The following CDC14B variants were observed in gnomAD, a reference collection of about 807,000 sequenced individuals.
CDC14B encodes the protein dual specificity protein phosphatase CDC14B.
In CDC14B, 22 loss-of-function variants were observed where a neutral mutation model predicts 64.2. The observed-to-expected ratio is 0.34, with a 90% CI of 0.24 to 0.49. The LOEUF (loss-of-function observed/expected upper bound fraction) is 0.49, where lower values mean the gene tolerates loss of function less well. Among genes scored for constraint, CDC14B ranks in the 20% least tolerant of loss-of-function variants. The pLI is 0.99. For synonymous variants in CDC14B, 191 were observed against 215.8 expected (o/e 0.89, Z 1.01); for missense variants, 498 against 629.9 (o/e 0.79, Z 2.24).
chr9:96,550,962 GA>G (rs1344649961), intron 5 of CDC14B, among the ~76,000 whole-genome samples: 1 of 151,770 alleles, frequency 6.6e-6, no homozygotes, highest in Non-Finnish European at 1.5e-5. Context: ...TGTGTCCCCA[GA>G]AAAAAGGGGT....
At chr9:96,573,661 A>T (rs184707539) in intron 1 of CDC14B, among the ~76,000 whole-genome samples, 107 of 152,376 alleles carry the variant, frequency 7.0e-4, no homozygotes, top group Non-Finnish European at 1.2e-3. Context: ...TAAATGTAAT[A>T]AATTTACATG....
At position 96,523,591 on chromosome 9, in the gene CDC14B, C is replaced by T; in HGVS notation, c.1081G>A (p.Val361Met). Residue 361 changes from valine (V) to methionine (M), a missense_variant, in exon 10 of 14, where the codon GTG (valine) becomes ATG (methionine). By Grantham distance (21) the Val-to-Met change is conservative (BLOSUM62 1). Transcript: ENST00000375241. ...CAGACGTAGGCTACTACTTACATCA[C>T]CAAAAACTGCTGCTGAGGCCCAATC... is the stretch of plus-strand genomic sequence containing the variant. The part of the protein sequence containing the change: ...SVIGPQQQFL[V>M]MKQTNLWLEG... The T allele has an allele frequency of 6.2e-7, 1 of 1,614,182 alleles. No individual in the cohort carries two copies. The highest frequency in any genetic ancestry group is 8.5e-7 in the Non-Finnish European group (1 of 1,180,032).
intron 12 of CDC14B, chr9:96,514,330 A>G: frequency 3.0e-6 from 2 of 658,958 alleles, no homozygotes; most frequent in Non-Finnish European, 3.8e-6. Context: ...TATGTAGTGC[A>G]TGATGCTCTT....
At chr9:96,578,640 C>A (rs184154389) in intron 1 of CDC14B, among the ~76,000 whole-genome samples, 175 of 152,260 alleles carry the variant, frequency 1.1e-3, no homozygotes, top group African/African-American at 3.9e-3. Context: ...CTCCTCAAAA[C>A]TGTCAAGATC....
chr9:96,508,188 G>C (rs1257732027), intron 13 of CDC14B, among the ~76,000 whole-genome samples: 2 of 151,880 alleles, frequency 1.3e-5, no homozygotes, highest in African/African-American at 2.4e-5. Context: ...GCTAATTTTT[G>C]TATTTTTAGT....
intron 1 of CDC14B, among the ~76,000 whole-genome samples, chr9:96,614,260 G>T (rs1182716505): frequency 6.6e-6 from 1 of 151,154 alleles, no homozygotes; most frequent in African/African-American, 2.4e-5. Context: ...TTTTGAGACG[G>T]AGTTTCACTA....
At chr9:96,551,130 T>TTTTTTTTTTG (rs1841767054) in intron 5 of CDC14B, among the ~76,000 whole-genome samples, 2 of 127,134 alleles carry the variant, frequency 1.6e-5, no homozygotes, top group African/African-American at 5.8e-5. Context: ...TTTTTTTTTT[T>TTTTTTTTTTG]GAGACAAGTT....
chr9:96,508,362 T>G (rs1167898140), intron 13 of CDC14B, among the ~76,000 whole-genome samples: 1 of 55,286 alleles, frequency 1.8e-5, no homozygotes, highest in African/African-American at 2.0e-4. Context: ...TACTGCTTCG[T>G]GTACTAAACT....
At chr9:96,524,513 C>T (rs1013080013) in intron 9 of CDC14B, among the ~76,000 whole-genome samples, 2 of 152,160 alleles carry the variant, frequency 1.3e-5, no homozygotes, top group African/African-American at 2.4e-5. Flanking sequence ...TTTTAAACCT[C>T]TATTGGTGCT....
intron 1 of CDC14B, among the ~76,000 whole-genome samples, chr9:96,567,756 G>T (rs1389286724): frequency 6.6e-6 from 1 of 152,036 alleles, no homozygotes; most frequent in East Asian, 1.9e-4. Context: ...AGCACAATAG[G>T]GTGTGGGTGA....
intron 1 of CDC14B, chr9:96,618,630 C>T (rs1564400193): frequency 1.9e-6 from 1 of 529,250 alleles, no homozygotes. Flanking sequence ...CGGAGGCGTT[C>T]GGGGGGCGCG....
Position 96,574,697 on chromosome 9 carries a change from C to CAAAAAAAAAAAAAAA in CDC14B, c.161-9229_161-9215dup, listed in dbSNP as rs57056796. On this transcript the variant is annotated intron_variant, in intron 1 of 13. Transcript: ENST00000375241. Reference sequence around the variant, plus strand: ...GCAACAAGAGCGAAACTCGGTCTCACAAAAAAAAAAAAAAAAAAAAAAGAT... The same window carrying CAAAAAAAAAAAAAAA: ...GCAACAAGAGCGAAACTCGGTCTCACAAAAAAAAAAAAAAAAAAAAAAAAAAAAAAAAAAAAAGAT... 1.5e-3 allele frequency among the ~76,000 whole-genome samples: 73 copies of CAAAAAAAAAAAAAAA among 49,950 alleles called. 8 individuals carry two copies. The highest frequency in any genetic ancestry group is 6.0e-3 in the African/African-American group (71 of 11,918). The allele number at this position is 49,950 out of a possible 152,430, so 32.8% of individuals were successfully genotyped here.
chr9:96,555,143 T>G (rs1296343650), intron 4 of CDC14B, among the ~76,000 whole-genome samples: 1 of 152,216 alleles, frequency 6.6e-6, no homozygotes, highest in Non-Finnish European at 1.5e-5. Flanking sequence ...TGCTGGCATT[T>G]CCACCCTTGT....
intron 12 of CDC14B, among the ~76,000 whole-genome samples, chr9:96,510,754 C>T (rs566821894): frequency 6.6e-6 from 1 of 152,026 alleles, no homozygotes; most frequent in South Asian, 2.1e-4. Flanking sequence ...CGCAGGCGCC[C>T]ACCACCTCAC....
chr9:96,592,628 G>GC (rs1291048362), intron 1 of CDC14B, among the ~76,000 whole-genome samples: 1 of 151,978 alleles, frequency 6.6e-6, no homozygotes, highest in Non-Finnish European at 1.5e-5. Context: ...AGAAAAATTA[G>GC]TCAGCATGGT....
intron 1 of CDC14B, among the ~76,000 whole-genome samples, chr9:96,615,642 T>G (rs1847578411): frequency 6.6e-6 from 1 of 152,244 alleles, no homozygotes; most frequent in African/African-American, 2.4e-5. Context: ...GTGCATTGCT[T>G]GTGGGAACGC....
At chr9:96,513,150 A>G (rs1835145225) in intron 12 of CDC14B, among the ~76,000 whole-genome samples, 1 of 152,222 alleles carries the variant, frequency 6.6e-6, no homozygotes, top group African/African-American at 2.4e-5. Flanking sequence ...AACTAATATA[A>G]TAATAATATT....
chr9:96,494,978 G>A (rs2131179143), intron 13 of CDC14B, among the ~76,000 whole-genome samples: 2 of 151,736 alleles, frequency 1.3e-5, no homozygotes, highest in East Asian at 1.9e-4. Flanking sequence ...GGGACTACAG[G>A]TACCTGCCAC....
At chr9:96,549,179 G>A (rs1041614102) in intron 5 of CDC14B, among the ~76,000 whole-genome samples, 1 of 151,896 alleles carries the variant, frequency 6.6e-6, no homozygotes, top group Non-Finnish European at 1.5e-5. Context: ...ATCCAGTAAT[G>A]CAATAATCTT....
Sources: allele counts gnomAD v4.1 joint callset (sites outside exome capture counted in the v4.1 genomes callset), GRCh38; gene constraint gnomAD v4.1.1; transcripts MANE v1.5; gene names NCBI Gene and HGNC (gene_info 2026-07-23, HGNC 2026-07-21).